Variants in PRPF18 observed in about 807,000 individuals in gnomAD.
PRPF18 encodes the protein pre-mRNA processing factor 18.
In PRPF18, 38 loss-of-function variants were observed where a neutral mutation model predicts 46.5. That is an observed-to-expected ratio of 0.82 (90% CI 0.63 to 1.07). PRPF18 has a LOEUF of 1.07. Among genes scored for constraint, PRPF18 ranks in the 50% least tolerant of loss-of-function variants. The probability of loss-of-function intolerance (pLI) is 0.00; values close to 1 mark genes in which losing one functional copy is unlikely to be tolerated. For synonymous variants in PRPF18, 152 were observed against 146.7 expected (o/e 1.04, Z -0.26); for missense variants, 263 against 410.0 (o/e 0.64, Z 3.10).
At chr10:13,611,559 T>C (rs2080269204) in intron 5 of PRPF18, 56 bp from the exon 6 acceptor site, 1 of 1,380,916 alleles carries the variant, frequency 7.2e-7, no homozygotes. Flanking sequence ...TGGTAATATA[T>C]ATGTTTAGTT....
intron 4 of PRPF18, among the ~76,000 whole-genome samples, chr10:13,607,887 C>T (rs1187522147): frequency 1.3e-5 from 2 of 152,082 alleles, no homozygotes; most frequent in Non-Finnish European, 2.9e-5. Flanking sequence ...ATGGTTTATT[C>T]CATGGGCTCT....
chr10:13,613,915 A>T (rs1022495801), intron 7 of PRPF18, 34 bp downstream of exon 7: 10 of 1,592,726 alleles, frequency 6.3e-6, no homozygotes, highest in African/African-American at 1.4e-5. Flanking sequence ...TTTTTAACTG[A>T]CTTTAAAAAT....
intron 9 of PRPF18, among the ~76,000 whole-genome samples, chr10:13,617,655 C>G (rs1015715170): frequency 1.3e-5 from 2 of 152,038 alleles, no homozygotes; most frequent in Admixed American, 1.3e-4. Flanking sequence ...TATAAAAGTT[C>G]ATATGATTAA....
chr10:13,596,021 A>G (rs1177775225), intron 1 of PRPF18, among the ~76,000 whole-genome samples: 1 of 152,328 alleles, frequency 6.6e-6, no homozygotes, highest in African/African-American at 2.4e-5. Context: ...ATATTTTCCA[A>G]CTGAATTAAA....
At chr10:13,644,867 G>A in the PRPF18 span, 3 of 152,196 alleles carry the variant, frequency 2.0e-5, no homozygotes, top group Non-Finnish European at 4.4e-5. Flanking sequence ...ATCCCCCAGT[G>A]AATCCCTAGA....
intron 1 of PRPF18, among the ~76,000 whole-genome samples, chr10:13,595,099 G>GC (rs1199311387): frequency 1.3e-5 from 2 of 152,174 alleles, no homozygotes; most frequent in East Asian, 1.9e-4. Context: ...TGAAGGCCTT[G>GC]CCTTTATTTT....
chr10:13,624,968 A>C (rs1473939932), intron 9 of PRPF18, among the ~76,000 whole-genome samples: 1 of 152,220 alleles, frequency 6.6e-6, no homozygotes, highest in Non-Finnish European at 1.5e-5. Flanking sequence ...AGACCAAAAC[A>C]CACAGAAAAA....
chr10:13,639,711 G>A, the PRPF18 span: 1 of 152,284 alleles, frequency 6.6e-6, no homozygotes, highest in Admixed American at 6.5e-5. Context: ...CTGGTCAGTA[G>A]GGGCGCTGGT....
rs561519250 is a variant in PRPF18, at chr10:13,590,450, A to AG, written c.66+3298_66+3299insG. Among the ~76,000 whole-genome samples the AG allele has an allele frequency of 1.5e-3, 201 of 136,978 alleles. 4 individuals are homozygous for AG. In the South Asian group the frequency reaches 0.025, roughly 17 times the overall value. 89.9% of individuals were successfully genotyped at this position (136,978 alleles called of 152,430 possible). A position where few individuals can be genotyped will look rare whatever the true frequency, so the allele number is the denominator to read the frequency against. On this transcript the variant is annotated intron_variant, in intron 1 of 9. Transcript: ENST00000378572. ...ATCTCTACTGAAAATACAAAAAAAAAAAATATATATATATATATATATTAG... is the reference window on the plus strand; with the variant it reads ...ATCTCTACTGAAAATACAAAAAAAAAGAAATATATATATATATATATATTAG...
At chr10:13,593,114 A>T (rs943654168) in intron 1 of PRPF18, among the ~76,000 whole-genome samples, 1 of 152,260 alleles carries the variant, frequency 6.6e-6, no homozygotes, top group African/African-American at 2.4e-5. Flanking sequence ...ACATTCTGAA[A>T]TGAAGGACCA....
intron 1 of PRPF18, among the ~76,000 whole-genome samples, chr10:13,590,537 C>T (rs989104003): frequency 2.0e-5 from 3 of 148,548 alleles, no homozygotes; most frequent in African/African-American, 7.5e-5. Flanking sequence ...AGGAGAATGG[C>T]GTGAACCCGG....
chr10:13,613,929 G>T (rs980488873), intron 7 of PRPF18, 48 bp downstream of exon 7: 1 of 1,580,458 alleles, frequency 6.3e-7, no homozygotes, highest in Non-Finnish European at 8.6e-7. Context: ...TAAAAATACA[G>T]TATAAATTTA....
At chr10:13,650,215 T>C in the PRPF18 span, among the ~76,000 whole-genome samples, 1 of 152,108 alleles carries the variant, frequency 6.6e-6, no homozygotes, top group Non-Finnish European at 1.5e-5. Context: ...AACTGAATTA[T>C]TTTTTTAAAC....
chr10:13,611,854 G>GA (rs1429511426), intron 6 of PRPF18, among the ~76,000 whole-genome samples, 171 bp downstream of exon 6: 4 of 150,854 alleles, frequency 2.7e-5, no homozygotes, highest in Non-Finnish European at 5.9e-5. Context: ...GTTAGTAAGA[G>GA]AAAATGCATA....
At chr10:13,644,321 T>G in the PRPF18 span, 1 of 152,232 alleles carries the variant, frequency 6.6e-6, no homozygotes, top group Non-Finnish European at 1.5e-5. Flanking sequence ...ATAAAGAGTT[T>G]GCAAGTGCTT....
chr10:13,604,582 T>C (rs1193059897), intron 3 of PRPF18, among the ~76,000 whole-genome samples: 1 of 152,240 alleles, frequency 6.6e-6, no homozygotes, highest in East Asian at 1.9e-4. Context: ...CTGTCCATTA[T>C]GGTAATTATC....
In PRPF18 at chr10:13,611,667, T is replaced by A. The variant is rs1488935603; in HGVS notation, c.563T>A (p.Ile188Asn). 1 of 1,613,908 alleles carries A rather than the reference T, an allele frequency of 6.2e-7. No homozygotes were observed. Among genetic ancestry groups the A allele is most frequent in the East Asian group, 2.2e-5 (1 of 44,862 alleles). ...KGDDHKDMDI[I>N]TKFLKFLLGV... Reference sequence around the variant, plus strand: ...GATGATCATAAAGACATGGACATCATCACCAAATTCCTGAAGGTGCGTGTC... The same window carrying A: ...GATGATCATAAAGACATGGACATCAACACCAAATTCCTGAAGGTGCGTGTC... The change falls in exon 6 of 10, where the codon ATC becomes AAC. Residue 188 changes from isoleucine (I) to asparagine (N), a missense_variant. Coordinates refer to ENST00000378572, the MANE Select transcript of PRPF18 (RefSeq NM_003675.4).
chr10:13,627,737 C>A (rs2080529766), intron 9 of PRPF18, among the ~76,000 whole-genome samples: 1 of 152,190 alleles, frequency 6.6e-6, no homozygotes, highest in African/African-American at 2.4e-5. Context: ...GTTTTTAAAT[C>A]ATAGAATCTG....
At chr10:13,655,581 A>AATGCTG in the PRPF18 span, 30 of 152,284 alleles carry the variant, frequency 2.0e-4, no homozygotes, top group African/African-American at 6.7e-4. Context: ...ATAGAATGCC[A>AATGCTG]GAGCCTGGCT....
Sources: gnomAD v4.1 joint callset for allele counts (sites outside exome capture counted in the v4.1 genomes callset) on GRCh38, gnomAD v4.1.1 for gene constraint, MANE v1.5 for transcripts, NCBI Gene and HGNC (gene_info 2026-07-23, HGNC 2026-07-21) for gene names.